Variants in SLC5A7 observed in about 807,000 individuals in gnomAD.
SLC5A7 encodes high affinity choline transporter 1.
In SLC5A7, 19 loss-of-function variants were observed where a neutral mutation model predicts 55.4. The ratio of observed to expected loss-of-function variants is 0.34; its 90% CI spans 0.24 to 0.50. SLC5A7 has a LOEUF of 0.50. Among genes scored for constraint, SLC5A7 ranks in the 20% least tolerant of loss-of-function variants. The probability of loss-of-function intolerance (pLI) is 0.98; values close to 1 mark genes in which losing one functional copy is unlikely to be tolerated. For synonymous variants in SLC5A7, 265 were observed against 263.7 expected, an observed-to-expected ratio of 1.00 and a Z score of -0.05; for missense variants, 506 against 705.3, an observed-to-expected ratio of 0.72 and a Z score of 3.20.
At position 107,991,942 on chromosome 2, in the gene SLC5A7, A is replaced by G. The variant is rs145555169; in HGVS notation, c.179-164A>G. Among the ~76,000 whole-genome samples the G allele has an allele frequency of 6.3e-3, 953 of 152,362 alleles. 16 individuals are homozygous for G. The highest frequency in any genetic ancestry group is 0.024 in the Admixed American group (369 of 15,308). ...TTTCAACATGTGATTAATGAAAGAA[A>G]AAACATTTGAAATCTGGTGTTTATT... is the stretch of plus-strand genomic sequence containing the variant. On this transcript the variant is annotated intron_variant, in intron 2 of 8. Coordinates refer to ENST00000264047, the MANE Select transcript of SLC5A7 (RefSeq NM_021815.5).
chr2:108,007,706 G>A (rs1346583881), intron 7 of SLC5A7, among the ~76,000 whole-genome samples: 1 of 152,120 alleles, frequency 6.6e-6, no homozygotes, highest in Non-Finnish European at 1.5e-5. Flanking sequence ...AGGATCCAAA[G>A]AGAACAATTC....
chr2:107,988,306 TTA>T lies in SLC5A7; in HGVS notation c.153_154del (p.Leu51PhefsTer22). ...AIIVGGRDIG[L>X]LVGGFTMTAT... The stretch of plus-strand genomic sequence containing the variant: ...CATAGTTGGTGGCCGAGATATTGGT[TTA>T]TTGGTTGGTGGATTTACCATGACAG... On this transcript the variant is annotated frameshift_variant, in exon 2 of 9. Transcript: ENST00000264047. LOFTEE classifies it high-confidence loss of function. The T allele has an allele frequency of 6.2e-7, 1 of 1,613,788 alleles. No homozygotes were observed. The highest frequency in any genetic ancestry group is 8.5e-7 in the Non-Finnish European group (1 of 1,179,764).
At chr2:107,998,608 G>A (rs1268415838) in intron 5 of SLC5A7, among the ~76,000 whole-genome samples, 18 of 152,196 alleles carry the variant, frequency 1.2e-4, no homozygotes, top group African/African-American at 4.1e-4. Context: ...TTGAAGAAAT[G>A]TGAAGAGTAC....
At chr2:108,006,743 G>A (rs1002971912) in intron 7 of SLC5A7, among the ~76,000 whole-genome samples, 1 of 152,046 alleles carries the variant, frequency 6.6e-6, no homozygotes, top group Admixed American at 6.6e-5. Flanking sequence ...GATAGAGATG[G>A]GCACTAGTGT....
rs1340733107 is a variant in SLC5A7 at position 108,013,939 on chromosome 2, G to A, written c.*3078G>A. On this transcript the variant is annotated 3_prime_UTR_variant, in exon 9 of 9. Transcript: ENST00000264047. ...TTAAAATAAGTGAATCTAATAAAATGGCTATTCCTCTTTTTACTTGGAAAT... is the reference window on the plus strand; with the variant it reads ...TTAAAATAAGTGAATCTAATAAAATAGCTATTCCTCTTTTTACTTGGAAAT... 6.6e-6 allele frequency: 1 copy of A among 151,814 alleles called. No homozygotes were observed. The highest frequency in any genetic ancestry group is 2.4e-5 in the African/African-American group (1 of 41,332). 9.4% of individuals were successfully genotyped at this position (151,814 alleles called of 1,614,324 possible).
chr2:108,007,219 A>G (rs911411722), intron 7 of SLC5A7, among the ~76,000 whole-genome samples: 1 of 152,112 alleles, frequency 6.6e-6, no homozygotes, highest in Non-Finnish European at 1.5e-5. Context: ...GTCCTGTGGT[A>G]TTCTGTAAAG....
Position 107,993,053 on chromosome 2 carries a change from G to A in SLC5A7, c.374G>A (p.Arg125His), listed in dbSNP as rs568906157. The change falls in exon 4 of 9, where the codon CGC (arginine) becomes CAC (histidine). Residue 125 changes from arginine to histidine, a missense_variant. Arg to His is a conservative substitution (Grantham distance 29, BLOSUM62 0). Around this residue, in one of 4 missense-constraint regions of SLC5A7, gnomAD observed 309 missense variants for 478.6 expected, o/e 0.65. Transcript: ENST00000264047. The part of the protein sequence containing the change: ...LDPFQQIYGK[R>H]MGGLLFIPAL... ...CCGTTTCAGCAAATCTATGGAAAAC[G>A]CATGGGCGGACTCCTGTTTATTCCT... 5.0e-6 allele frequency: 8 copies of A among 1,614,214 alleles called. No individual in the cohort carries two copies. The highest frequency in any genetic ancestry group is 5.1e-6 in the Non-Finnish European group (6 of 1,180,036).
In SLC5A7 at chr2:108,011,131, G is replaced by A. The variant is rs1270829294; in HGVS notation, c.*270G>A. On this transcript the variant is annotated 3_prime_UTR_variant, in exon 9 of 9. Transcript: ENST00000264047. ...AAAAATAAGTAAAGTTCCACTTAGA[G>A]AACAAAGGGCCAAATAGAGTTTTTA... 2.7e-5 allele frequency: 8 copies of A among 294,942 alleles called. No individual in the cohort carries two copies. The highest frequency in any genetic ancestry group is 4.9e-5 in the Non-Finnish European group (8 of 162,728). 18.3% of individuals were successfully genotyped at this position (294,942 alleles called of 1,614,324 possible).
intron 1 of SLC5A7, among the ~76,000 whole-genome samples, chr2:107,987,754 G>A (rs1210328886): frequency 6.6e-6 from 1 of 151,994 alleles, no homozygotes; most frequent in Admixed American, 6.6e-5. Flanking sequence ...CAGATACAGC[G>A]CTACTCTTTG....
At chr2:108,001,792 C>G in intron 5 of SLC5A7, 105 bp from the exon 6 acceptor site, 1 of 1,182,740 alleles carries the variant, frequency 8.5e-7, no homozygotes, top group Non-Finnish European at 1.2e-6. Context: ...TCTGTCTGAA[C>G]TAGAGGAACT....
At chr2:107,994,252 C>G (rs991276081) in intron 4 of SLC5A7, among the ~76,000 whole-genome samples, 1 of 152,052 alleles carries the variant, frequency 6.6e-6, no homozygotes, top group Non-Finnish European at 1.5e-5. Flanking sequence ...TGACTGTTGC[C>G]GAAACAAGAG....
intron 2 of SLC5A7, among the ~76,000 whole-genome samples, chr2:107,988,565 G>A (rs977843304): frequency 6.6e-6 from 1 of 152,120 alleles, no homozygotes; most frequent in African/African-American, 2.4e-5. Flanking sequence ...ATAAATCACT[G>A]GACTGAACAG....
rs1311390547 is a variant in SLC5A7, at chr2:107,991,181, G to A, written c.179-925G>A. 2.6e-5 allele frequency among the ~76,000 whole-genome samples: 4 copies of A among 152,154 alleles called. No individual in the cohort carries two copies. In the East Asian group the frequency reaches 7.7e-4, roughly 29 times the overall value. Reference sequence around the variant, plus strand: ...TGTAGATCATTCTTGGCTCAAACCTGTTAAGTCAAAACTCATTTTCTTTGG... The same window carrying A: ...TGTAGATCATTCTTGGCTCAAACCTATTAAGTCAAAACTCATTTTCTTTGG... On this transcript the variant is annotated intron_variant, in intron 2 of 8. Coordinates refer to ENST00000264047, the MANE Select transcript of SLC5A7 (RefSeq NM_021815.5).
Position 108,006,075 on chromosome 2 carries a change from A to C in SLC5A7, c.768A>C (p.Ala256=). ...LLMLGGIPWQ[A]YFQRVLSSSS... ...TGCTGGGTGGAATCCCATGGCAAGCATACTTTCAGAGGGTTCTCTCTTCTT... is the reference window on the plus strand; with the variant it reads ...TGCTGGGTGGAATCCCATGGCAAGCCTACTTTCAGAGGGTTCTCTCTTCTT... Residue 256 remains alanine, a synonymous_variant, in exon 7 of 9, where the codon GCA becomes GCC. Coordinates refer to ENST00000264047, the MANE Select transcript of SLC5A7 (RefSeq NM_021815.5). 1.2e-5 allele frequency: 20 copies of C among 1,614,166 alleles called. No homozygotes were observed. The highest frequency in any genetic ancestry group is 1.6e-5 in the Non-Finnish European group (19 of 1,179,992).
intron 5 of SLC5A7, 39 bp downstream of exon 5, chr2:107,998,025 G>A (rs1255396349): frequency 6.3e-7 from 1 of 1,581,158 alleles, no homozygotes; most frequent in East Asian, 2.2e-5. Context: ...CTTTTTTTCT[G>A]TAAAAGGTAA....
intron 2 of SLC5A7, among the ~76,000 whole-genome samples, chr2:107,989,140 A>G (rs1251792079): frequency 6.6e-6 from 1 of 152,212 alleles, no homozygotes; most frequent in East Asian, 1.9e-4. Context: ...ATTCTGAAAA[A>G]CATCAACTTA....
intron 2 of SLC5A7, among the ~76,000 whole-genome samples, chr2:107,989,760 C>T (rs1335594261): frequency 6.6e-6 from 1 of 152,176 alleles, no homozygotes; most frequent in African/African-American, 2.4e-5. Flanking sequence ...AATAAGAAAG[C>T]TGCTGCATAT....
At chr2:107,992,355 C>T (rs1677483172) in intron 3 of SLC5A7, 136 bp downstream of exon 3, 1 of 482,794 alleles carries the variant, frequency 2.1e-6, no homozygotes. Flanking sequence ...TTTAAGGAGT[C>T]ATTACCAGAA....
chr2:107,995,470 AGTGTGTGTGTGT>A (rs57328827), intron 4 of SLC5A7, among the ~76,000 whole-genome samples: 1 of 137,166 alleles, frequency 7.3e-6, no homozygotes, highest in Non-Finnish European at 1.6e-5. Context: ...AGAGAGAGAG[AGTGTGTGTGTGT>A]GTGTGTGTGT....
Sources: gnomAD v4.1 joint callset for allele counts (sites outside exome capture counted in the v4.1 genomes callset) on GRCh38, gnomAD v4.1.1 for gene constraint, gnomAD v4.1.1 regional missense constraint, MANE v1.5 for transcripts, NCBI Gene and HGNC (gene_info 2026-07-23, HGNC 2026-07-21) for gene names.